TREML1: variants seen among roughly 807,000 people sequenced by gnomAD.
TREML1 encodes triggering receptor expressed on myeloid cells like 1, also known as trem-like transcript 1 protein.
In TREML1, 27 loss-of-function variants were observed where a neutral mutation model predicts 22.8. The ratio of observed to expected loss-of-function variants is 1.19; its 90% CI spans 0.87 to 1.64. TREML1 has a LOEUF of 1.64. TREML1 is among the 40% of genes most tolerant of loss of function. TREML1 has a pLI of 0.00. For missense variants in TREML1, 356 were observed against 382.0 expected, an observed-to-expected ratio of 0.93 and a Z score of 0.57; for synonymous variants, 153 against 161.9, an observed-to-expected ratio of 0.94 and a Z score of 0.42.
At position 41,149,593 on chromosome 6, in the gene TREML1, T is replaced by G. The variant is rs771825039; in HGVS notation, c.*11A>C. 2.5e-6 allele frequency: 4 copies of G among 1,600,918 alleles called. No homozygotes were observed. In the African/African-American group the frequency reaches 4.0e-5, roughly 16 times the overall value. ...GGATGGTCCTCATGAGTTTAAAGTG[T>G]GATGAGCAGCTTAGCTGGATGGAGT... On this transcript the variant is annotated 3_prime_UTR_variant, in exon 6 of 6. Transcript: ENST00000426005.
Position 41,149,666 on chromosome 6 carries a change from C to T in TREML1, c.874G>A (p.Gly292Ser), listed in dbSNP as rs767941320. ...ATVIFPGGNKGGGTSCGPAQN... is the reference protein window; with the variant it reads ...ATVIFPGGNKSGGTSCGPAQN... ...GCTGGCCCACACGAGGTCCCTCCAC[C>T]CTTGTTCCCTCCCGGGAAGATTACT... The change falls in exon 6 of 6, where the codon GGT (glycine) becomes AGT (serine). Residue 292 changes from glycine to serine, a missense_variant. Gly to Ser is a moderately conservative substitution (Grantham distance 56). Transcript: ENST00000426005. The T allele has an allele frequency of 1.2e-6, 2 of 1,614,146 alleles. No homozygotes were observed. The highest frequency in any genetic ancestry group is 1.1e-5 in the South Asian group (1 of 91,080).
intron 2 of TREML1, among the ~76,000 whole-genome samples, chr6:41,151,838 G>C (rs1205199907): frequency 6.6e-6 from 1 of 152,136 alleles, no homozygotes; most frequent in Admixed American, 6.5e-5. Context: ...CTTAAATGGG[G>C]CTTCCTCACA....
chr6:41,155,385 C>CTG (rs1368674399), upstream of TREML1, among the ~76,000 whole-genome samples: 1 of 151,420 alleles, frequency 6.6e-6, no homozygotes, highest in East Asian at 1.9e-4. Context: ...TTCTCTCTCT[C>CTG]TCTCTCTCTC....
At chr6:41,153,448 A>T (rs1174639583) in intron 2 of TREML1, among the ~76,000 whole-genome samples, 1 of 152,014 alleles carries the variant, frequency 6.6e-6, no homozygotes, top group East Asian at 1.9e-4. Context: ...ATTTCTAATT[A>T]AAAAATAAGT....
At chr6:41,154,582 G>A (rs540630576), upstream of TREML1, among the ~76,000 whole-genome samples, 1 of 152,214 alleles carries the variant, frequency 6.6e-6, no homozygotes, top group Non-Finnish European at 1.5e-5. Flanking sequence ...ACAATTGGAG[G>A]ACAGGAGAGG....
intron 2 of TREML1, chr6:41,151,683 A>C (rs984349144): frequency 7.5e-6 from 3 of 399,414 alleles, no homozygotes; most frequent in African/African-American, 2.0e-5. Context: ...TACCTGCTCT[A>C]CCCCTCACCC....
At chr6:41,155,375 T>TCTC (rs1765393079), upstream of TREML1, among the ~76,000 whole-genome samples, 1 of 136,726 alleles carries the variant, frequency 7.3e-6, no homozygotes, top group African/African-American at 3.0e-5. Context: ...GAGTAAACGT[T>TCTC]TCTCTCTCTC....
chr6:41,155,375 TTCTCTC>T (rs3049085), upstream of TREML1, among the ~76,000 whole-genome samples: 829 of 136,824 alleles, frequency 6.1e-3, 11 homozygotes, highest in African/African-American at 0.023. Context: ...GAGTAAACGT[TTCTCTC>T]TCTCTCTCTC....
chr6:41,151,181 A>T lies in TREML1; in HGVS notation c.479+101T>A, dbSNP rs554535967. The T allele has an allele frequency of 1.9e-5, 20 of 1,070,674 alleles. No individual in the cohort carries two copies. The South Asian group carries it at 2.5e-4, about 13-fold the overall frequency. The allele number at this position is 1,070,674 out of a possible 1,614,324, so 66.3% of individuals were successfully genotyped here. A position where few individuals can be genotyped will look rare whatever the true frequency, so the allele number is the denominator to read the frequency against. On this transcript the variant is annotated intron_variant, in intron 3 of 5. Transcript: ENST00000426005. ...CCAGAAGTTCCCCAGAGGTGGGAAG[A>T]ATCATAGGTTTTCCCCTTCGATTTA...
In TREML1 at chr6:41,151,376, C is replaced by G. The variant is rs983499372; in HGVS notation, c.385G>C (p.Glu129Gln). 6.2e-7 allele frequency: 1 copy of G among 1,614,016 alleles called. No homozygotes were observed. Among genetic ancestry groups the G allele is most frequent in the African/African-American group, 1.3e-5 (1 of 74,918 alleles). The change falls in exon 3 of 6, where the codon GAA becomes CAA. Residue 129 changes from glutamate to glutamine, a missense_variant. Transcript: ENST00000426005. ...SLNILPPEEE[E>Q]ETHKIGSLAE... ...AGACTGCCAATCTTATGGGTCTCTT[C>G]TTCTTCCTCTGTCAGGCCAGGAATG...
At chr6:41,154,208 A>G (rs768490982) in intron 1 of TREML1, 38 bp downstream of exon 1, 1 of 1,607,840 alleles carries the variant, frequency 6.2e-7, no homozygotes, top group Non-Finnish European at 8.5e-7. Context: ...GGGGCTGAGC[A>G]TATGGGGCCC....
chr6:41,151,583 G>T (rs889207046), intron 2 of TREML1, 199 bp from the exon 3 acceptor site: 16 of 578,130 alleles, frequency 2.8e-5, no homozygotes, highest in Middle Eastern at 4.6e-4. Context: ...AAATGGCACT[G>T]GCTCTTTATG....
Position 41,153,907 on chromosome 6 carries a change from C to G in TREML1, c.227G>C (p.Arg76Pro), listed in dbSNP as rs372842295. ...AVDRRAPAGRRTFLTDLGGGL... is the reference protein window; with the variant it reads ...AVDRRAPAGRPTFLTDLGGGL... ...CCCACCCAGGTCTGTGAGAAACGTACGCCTGCCCGCTGGAGCTCTGCGATC... is the reference window on the plus strand; with the variant it reads ...CCCACCCAGGTCTGTGAGAAACGTAGGCCTGCCCGCTGGAGCTCTGCGATC... Residue 76 changes from arginine (R) to proline (P), a missense_variant, in exon 2 of 6, where the codon CGT becomes CCT. By Grantham distance (103) the Arg-to-Pro change is moderately radical. Transcript: ENST00000426005. 1.2e-6 allele frequency: 2 copies of G among 1,614,214 alleles called. No homozygotes were observed. Among genetic ancestry groups the G allele is most frequent in the Non-Finnish European group, 1.7e-6 (2 of 1,180,042 alleles).
At chr6:41,152,683 G>T (rs1044619722) in intron 2 of TREML1, among the ~76,000 whole-genome samples, 2 of 151,976 alleles carry the variant, frequency 1.3e-5, no homozygotes, top group African/African-American at 2.4e-5. Context: ...GACCAGCCTG[G>T]CCAACATGAT....
intron 2 of TREML1, 100 bp downstream of exon 2, chr6:41,153,658 C>T: frequency 4.0e-6 from 5 of 1,250,270 alleles, no homozygotes; most frequent in Admixed American, 2.3e-5. Flanking sequence ...AATGCCTCCT[C>T]CCCAGGGGCC....
At chr6:41,152,734 A>G (rs940984015) in intron 2 of TREML1, among the ~76,000 whole-genome samples, 1 of 152,232 alleles carries the variant, frequency 6.6e-6, no homozygotes, top group South Asian at 2.1e-4. Context: ...TTAGCTGGGC[A>G]TGGTGGTGGG....
Position 41,149,763 on chromosome 6 carries a change from G to A in TREML1, c.777C>T (p.Leu259=). ...GAGGGGGCAATGAGGATGGAGCTGGGAGTGAAGGTTTTCCTGATGGGGAAT... is the reference window on the plus strand; with the variant it reads ...GAGGGGGCAATGAGGATGGAGCTGGAAGTGAAGGTTTTCCTGATGGGGAAT... ...PLDSPSGKPS[L]PAPSSLPPLP... Residue 259 remains leucine, a synonymous_variant, in exon 6 of 6, where the codon CTC becomes CTT. Coordinates refer to ENST00000426005, the MANE Select transcript of TREML1 (RefSeq NM_178174.4). The A allele has an allele frequency of 1.2e-6, 2 of 1,614,204 alleles. No individual in the cohort carries two copies. The highest frequency in any genetic ancestry group is 1.7e-6 in the Non-Finnish European group (2 of 1,180,038).
At position 41,153,786 on chromosome 6, in the gene TREML1, G is replaced by A; in HGVS notation, c.348C>T (p.His116=). The stretch of plus-strand genomic sequence containing the variant: ...GGGGCAGTATGTTCAGAGAGACTCT[G>A]TGCAAAATCTGGGGCCCCCTGGCCC... ...VDGARGPQIL[H]RVSLNILPPE... is the part of the protein sequence containing the mutation. Residue 116 remains histidine (H), a synonymous_variant, in exon 2 of 6, where the codon CAC becomes CAT. Coordinates refer to ENST00000426005, the MANE Select transcript of TREML1 (RefSeq NM_178174.4). The A allele has an allele frequency of 6.2e-7, 1 of 1,612,946 alleles. No homozygotes were observed. Among genetic ancestry groups the A allele is most frequent in the South Asian group, 1.1e-5 (1 of 90,972 alleles).
At chr6:41,150,147 G>A in intron 5 of TREML1, 114 bp downstream of exon 5, 1 of 1,222,902 alleles carries the variant, frequency 8.2e-7, no homozygotes. Flanking sequence ...AAGAGGGTTT[G>A]GACCCCAACT....
Sources: gnomAD v4.1 joint callset for allele counts (sites outside exome capture counted in the v4.1 genomes callset) on GRCh38, gnomAD v4.1.1 for gene constraint, MANE v1.5 for transcripts, NCBI Gene and HGNC (gene_info 2026-07-23, HGNC 2026-07-21) for gene names.